The following POU6F2 variants were observed in gnomAD, a reference collection of about 807,000 sequenced individuals.
POU6F2 encodes POU domain, class 6, transcription factor 2.
POU6F2 carries 31 observed loss-of-function variants against 71.3 expected under a neutral mutation model. The ratio of observed to expected loss-of-function variants is 0.43; its 90% CI spans 0.33 to 0.59. POU6F2 has a LOEUF of 0.59. Among genes scored for constraint, POU6F2 ranks in the 20% least tolerant of loss-of-function variants. The pLI is 0.04. For missense variants in POU6F2, 783 were observed against 856.8 expected (o/e 0.91, Z 1.07); for synonymous variants, 347 against 355.7 (o/e 0.98, Z 0.27).
chr7:39,014,383 A>G (rs987220060), intron 1 of POU6F2, among the ~76,000 whole-genome samples: 4 of 152,218 alleles, frequency 2.6e-5, no homozygotes, highest in African/African-American at 9.6e-5. Flanking sequence ...CTATAACTAT[A>G]AAAATGAAGG....
intron 1 of POU6F2, among the ~76,000 whole-genome samples, chr7:39,048,615 C>T (rs781644529): frequency 9.9e-5 from 15 of 151,852 alleles, no homozygotes; most frequent in Non-Finnish European, 2.2e-4. Context: ...GATTCCATAT[C>T]GTTGTTATTG....
chr7:39,296,871 C>T (rs1339334165), intron 4 of POU6F2, among the ~76,000 whole-genome samples: 2 of 152,138 alleles, frequency 1.3e-5, no homozygotes, highest in African/African-American at 2.4e-5. Context: ...CATGAATGAA[C>T]GAATCAATGA....
intron 4 of POU6F2, among the ~76,000 whole-genome samples, chr7:39,255,827 C>T (rs1232858105): frequency 1.3e-5 from 2 of 152,246 alleles, no homozygotes; most frequent in African/African-American, 4.8e-5. Flanking sequence ...CTTCTCAAAT[C>T]TCCTTTAAAA....
chr7:39,067,579 A>G (rs531697902), intron 1 of POU6F2, among the ~76,000 whole-genome samples: 1 of 152,244 alleles, frequency 6.6e-6, no homozygotes, highest in South Asian at 2.1e-4. Flanking sequence ...CAATGTCATC[A>G]TCAATAAAAT....
chr7:39,209,399 G>T (rs955832733), intron 4 of POU6F2, among the ~76,000 whole-genome samples: 1 of 152,140 alleles, frequency 6.6e-6, no homozygotes, highest in Non-Finnish European at 1.5e-5. Flanking sequence ...TGACGCCCAA[G>T]CTCTTGTCTG....
intron 1 of POU6F2, among the ~76,000 whole-genome samples, chr7:39,012,685 A>G (rs1789329980): frequency 6.6e-6 from 1 of 151,960 alleles, no homozygotes; most frequent in Admixed American, 6.6e-5. Context: ...GATGATGATG[A>G]TGTACAGATG....
chr7:39,233,273 T>G (rs1177087554), intron 4 of POU6F2, among the ~76,000 whole-genome samples: 1 of 147,434 alleles, frequency 6.8e-6, no homozygotes, highest in Non-Finnish European at 1.5e-5. Context: ...AAATAAGAAC[T>G]AAAGAAATAG....
chr7:39,212,363 A>G lies in POU6F2; in HGVS notation c.598+4743A>G, dbSNP rs368664307. ...CAAATTCTGAGCTCAGGAGATGCCAATGGTGAGGTTTAGGTTCTGAGTGTT... is the reference window on the plus strand; with the variant it reads ...CAAATTCTGAGCTCAGGAGATGCCAGTGGTGAGGTTTAGGTTCTGAGTGTT... On this transcript the variant is annotated intron_variant, in intron 4 of 9. Coordinates refer to ENST00000518318, the MANE Select transcript of POU6F2 (RefSeq NM_001370959.1). Among the ~76,000 whole-genome samples the G allele has an allele frequency of 2.8e-3, 422 of 152,306 alleles. 2 individuals are homozygous for G. The highest frequency in any genetic ancestry group is 9.0e-3 in the African/African-American group (376 of 41,562).
chr7:39,067,072 T>TAC (rs1381018332), intron 1 of POU6F2, among the ~76,000 whole-genome samples: 1 of 149,022 alleles, frequency 6.7e-6, no homozygotes, highest in Non-Finnish European at 1.5e-5. Flanking sequence ...GGCATATATA[T>TAC]ACACTTAACG....
At chr7:39,014,302 G>T (rs1789414020) in intron 1 of POU6F2, among the ~76,000 whole-genome samples, 1 of 152,168 alleles carries the variant, frequency 6.6e-6, no homozygotes, top group African/African-American at 2.4e-5. Context: ...TTCAGACAGG[G>T]TGTGGAAATG....
intron 1 of POU6F2, among the ~76,000 whole-genome samples, chr7:38,990,681 GTAATA>G (rs1469893719): frequency 6.6e-6 from 1 of 152,054 alleles, no homozygotes; most frequent in Non-Finnish European, 1.5e-5. Context: ...TCTGGAGCCT[GTAATA>G]TAATATATCT....
chr7:39,010,530 G>C (rs372625666), intron 1 of POU6F2, among the ~76,000 whole-genome samples: 9 of 148,732 alleles, frequency 6.1e-5, no homozygotes, highest in East Asian at 2.0e-4. Flanking sequence ...TCCTTCAGTT[G>C]TGCTCTGATT....
At chr7:39,135,607 C>T (rs1792374160) in intron 2 of POU6F2, among the ~76,000 whole-genome samples, 1 of 151,452 alleles carries the variant, frequency 6.6e-6, no homozygotes, top group Non-Finnish European at 1.5e-5. Flanking sequence ...AATATCTATT[C>T]CTGATAAAAA....
intron 5 of POU6F2, among the ~76,000 whole-genome samples, chr7:39,373,918 A>G (rs1326248120): frequency 6.6e-6 from 1 of 152,232 alleles, no homozygotes; most frequent in Non-Finnish European, 1.5e-5. Flanking sequence ...TGAAAAATAA[A>G]AAGATCTGGC....
chr7:39,237,105 G>A (rs1393926827), intron 4 of POU6F2, among the ~76,000 whole-genome samples: 1 of 152,142 alleles, frequency 6.6e-6, no homozygotes, highest in Non-Finnish European at 1.5e-5. Flanking sequence ...CTTTTGCCTT[G>A]AGGGAAAACA....
At chr7:39,393,034 C>A (rs1272327079) in intron 5 of POU6F2, among the ~76,000 whole-genome samples, 1 of 152,142 alleles carries the variant, frequency 6.6e-6, no homozygotes, top group Admixed American at 6.5e-5. Flanking sequence ...TGTTTTTAAA[C>A]CTATGTTCGG....
chr7:39,058,593 T>C (rs1452110273), intron 1 of POU6F2, among the ~76,000 whole-genome samples: 2 of 152,334 alleles, frequency 1.3e-5, no homozygotes, highest in East Asian at 1.9e-4. Flanking sequence ...AATCTCTTAA[T>C]GGTTATTTTC....
At chr7:39,363,256 A>C (rs1410717531) in intron 5 of POU6F2, among the ~76,000 whole-genome samples, 1 of 152,160 alleles carries the variant, frequency 6.6e-6, no homozygotes, top group East Asian at 1.9e-4. Flanking sequence ...TTGGAGTGTA[A>C]GGAAAACAGA....
intron 1 of POU6F2, among the ~76,000 whole-genome samples, chr7:39,006,435 G>A (rs372021888): frequency 6.6e-6 from 1 of 152,218 alleles, no homozygotes; most frequent in African/African-American, 2.4e-5. Context: ...CTGCATTCCA[G>A]CCTGGGTGAC....
Sources: gnomAD v4.1 joint callset for allele counts (sites outside exome capture counted in the v4.1 genomes callset) on GRCh38, gnomAD v4.1.1 for gene constraint, MANE v1.5 for transcripts, NCBI Gene and HGNC (gene_info 2026-07-23, HGNC 2026-07-21) for gene names.